Variants in HSPBAP1 observed in about 807,000 individuals in gnomAD.
HSPBAP1 encodes HSPB1-associated protein 1.
HSPBAP1 carries 27 observed loss-of-function variants against 45.2 expected under a neutral mutation model. The observed-to-expected ratio is 0.60, with a 90% CI of 0.44 to 0.82. The LOEUF is 0.82. HSPBAP1 is among the 40% of genes least tolerant of loss of function. HSPBAP1 has a pLI of 0.00. For synonymous variants in HSPBAP1, 204 were observed against 202.7 expected (o/e 1.01, Z -0.06); for missense variants, 510 against 590.9 (o/e 0.86, Z 1.42).
At chr3:122,780,464 G>C (rs1269857638) in intron 1 of HSPBAP1, among the ~76,000 whole-genome samples, 2 of 122,074 alleles carry the variant, frequency 1.6e-5, no homozygotes, top group African/African-American at 6.8e-5. Flanking sequence ...GCCGGGCAGA[G>C]GCGCCCCTCA....
At chr3:122,766,327 G>A (rs2107520791) in intron 3 of HSPBAP1, among the ~76,000 whole-genome samples, 1 of 152,292 alleles carries the variant, frequency 6.6e-6, no homozygotes, top group South Asian at 2.1e-4. Context: ...AAGACTTGGT[G>A]GCTGAATGAA....
chr3:122,741,416 GT>G (rs897818928), intron 6 of HSPBAP1: 332 of 276,404 alleles, frequency 1.2e-3, no homozygotes, highest in Middle Eastern at 3.7e-3. Flanking sequence ...CATGTTTAAA[GT>G]TTTTTTTTTA....
In HSPBAP1 at chr3:122,793,748, G is replaced by T. The variant is rs1410380379; in HGVS notation, c.-68C>A. 6 of 1,453,040 alleles carry T rather than the reference G, an allele frequency of 4.1e-6. No individual in the cohort carries two copies. Among genetic ancestry groups the T allele is most frequent in the Non-Finnish European group, 5.8e-6 (6 of 1,040,690 alleles). 90.0% of individuals were successfully genotyped at this position (1,453,040 alleles called of 1,614,324 possible). On this transcript the variant is annotated 5_prime_UTR_variant, in exon 1 of 8. Transcript: ENST00000306103. ...GAGCTGGGGTGGGGTCAGAGTAGGG[G>T]CCAAACTCCGAGACCCGAAGCTGCA...
Position 122,759,188 on chromosome 3 carries a change from C to CAT in HSPBAP1, c.569+35_569+36insAT, listed in dbSNP as rs772921657. 1.6e-5 allele frequency: 21 copies of CAT among 1,346,160 alleles called. No homozygotes were observed. In the African/African-American group the frequency reaches 3.9e-4, roughly 25 times the overall value. 83.4% of individuals were successfully genotyped at this position (1,346,160 alleles called of 1,614,324 possible). A position where few individuals can be genotyped will look rare whatever the true frequency, so the allele number is the denominator to read the frequency against. On this transcript the variant is annotated intron_variant, in intron 4 of 7. Coordinates refer to ENST00000306103, the MANE Select transcript of HSPBAP1 (RefSeq NM_024610.6). ...TGCATGCATGCACATGTGCGTTCCACACACACACACACACACACACACACA... is the reference window on the plus strand; with the variant it reads ...TGCATGCATGCACATGTGCGTTCCACATACACACACACACACACACACACACA...
In HSPBAP1 at chr3:122,753,987, G is replaced by A. The variant is rs139883303; in HGVS notation, c.741+1273C>T. 1,561 of 730,392 alleles carry A rather than the reference G, an allele frequency of 2.1e-3. 8 individuals carry two copies. The African/African-American group carries it at 0.022, about 10-fold the overall frequency. The allele number at this position is 730,392 out of a possible 1,614,324, so 45.2% of individuals were successfully genotyped here. Reference sequence around the variant, plus strand: ...ATAATGATAAAAAAGCAAAACAAGTGTTGGGAAAGATAAAAAGAAATTGGA... The same window carrying A: ...ATAATGATAAAAAAGCAAAACAAGTATTGGGAAAGATAAAAAGAAATTGGA... On this transcript the variant is annotated intron_variant, in intron 5 of 7. Coordinates refer to ENST00000306103, the MANE Select transcript of HSPBAP1 (RefSeq NM_024610.6).
intron 6 of HSPBAP1, among the ~76,000 whole-genome samples, chr3:122,747,298 C>T (rs1933912856): frequency 1.3e-5 from 2 of 152,088 alleles, no homozygotes; most frequent in South Asian, 2.1e-4. Context: ...AGCGCCTCTG[C>T]CCGGCCGCGA....
chr3:122,768,721 C>G lies in HSPBAP1; in HGVS notation c.412G>C (p.Asp138His), dbSNP rs777126649. The change falls in exon 3 of 8, where the codon GAC (aspartate) becomes CAC (histidine). Residue 138 changes from aspartate to histidine, a missense_variant. Coordinates refer to ENST00000306103, the MANE Select transcript of HSPBAP1 (RefSeq NM_024610.6). ...CTTACCTGGAAAAGATCTGTCTTGT[C>G]TTCAAATAGACTGACAAAATATTTA... ...DYKYFVSLFE[D>H]KTDLFQDVKW... 1.2e-6 allele frequency: 2 copies of G among 1,612,134 alleles called. No individual in the cohort carries two copies. Among genetic ancestry groups the G allele is most frequent in the East Asian group, 4.5e-5 (2 of 44,832 alleles).
At chr3:122,790,188 C>A (rs970819975) in intron 1 of HSPBAP1, among the ~76,000 whole-genome samples, 1 of 151,718 alleles carries the variant, frequency 6.6e-6, no homozygotes, top group African/African-American at 2.4e-5. Context: ...ATCTCCAGTA[C>A]CTTTCTCTAC....
At chr3:122,774,882 A>T (rs1308441779) in intron 2 of HSPBAP1, among the ~76,000 whole-genome samples, 2 of 152,236 alleles carry the variant, frequency 1.3e-5, no homozygotes, top group Non-Finnish European at 2.9e-5. Context: ...ACTGATGATA[A>T]TGCTCATATC....
intron 1 of HSPBAP1, among the ~76,000 whole-genome samples, chr3:122,778,215 G>GTT (rs1285690466): frequency 2.8e-4 from 12 of 42,674 alleles, no homozygotes; most frequent in African/African-American, 3.3e-4. Flanking sequence ...AGTTTTTTTT[G>GTT]TTGTTTTTTT....
intron 1 of HSPBAP1, 66 bp from the exon 2 acceptor site, chr3:122,777,972 A>G: frequency 3.0e-6 from 3 of 1,000,022 alleles, no homozygotes; most frequent in Middle Eastern, 4.4e-4. Flanking sequence ...AATATGGAGA[A>G]AAAATAGCTA....
rs575507050 is a variant in HSPBAP1, at chr3:122,782,406, C to T, written c.65-4500G>A. 2.0e-5 allele frequency among the ~76,000 whole-genome samples: 3 copies of T among 152,216 alleles called. No homozygotes were observed. The South Asian group carries it at 6.2e-4, about 32-fold the overall frequency. ...TAACTTACTATTTAAATAAATTTCACAGAATCATAAAATATTAACCTTGGA... is the reference window on the plus strand; with the variant it reads ...TAACTTACTATTTAAATAAATTTCATAGAATCATAAAATATTAACCTTGGA... On this transcript the variant is annotated intron_variant, in intron 1 of 7. Coordinates refer to ENST00000306103, the MANE Select transcript of HSPBAP1 (RefSeq NM_024610.6).
At chr3:122,750,179 T>C (rs1934078490) in intron 6 of HSPBAP1, among the ~76,000 whole-genome samples, 1 of 151,990 alleles carries the variant, frequency 6.6e-6, no homozygotes, top group African/African-American at 2.4e-5. Flanking sequence ...TTCACCATGT[T>C]GGCCAGGATG....
chr3:122,785,691 A>G (rs1444260907), intron 1 of HSPBAP1, among the ~76,000 whole-genome samples: 1 of 152,126 alleles, frequency 6.6e-6, no homozygotes, highest in Non-Finnish European at 1.5e-5. Flanking sequence ...CTTCCTTACC[A>G]TGCCTTAACA....
At chr3:122,749,629 A>C (rs1250843957) in intron 6 of HSPBAP1, among the ~76,000 whole-genome samples, 1 of 152,034 alleles carries the variant, frequency 6.6e-6, no homozygotes, top group African/African-American at 2.4e-5. Flanking sequence ...TCTTTTTTTG[A>C]GATGGAGTCT....
chr3:122,786,182 CT>C (rs1300147369), intron 1 of HSPBAP1, among the ~76,000 whole-genome samples: 1 of 152,004 alleles, frequency 6.6e-6, no homozygotes, highest in Non-Finnish European at 1.5e-5. Flanking sequence ...GGTATAACAC[CT>C]TGCTTTCTGA....
At chr3:122,747,657 G>A (rs1156502337) in intron 6 of HSPBAP1, among the ~76,000 whole-genome samples, 11 of 148,356 alleles carry the variant, frequency 7.4e-5, no homozygotes, top group African/African-American at 2.5e-4. Context: ...CGCCCGGCCA[G>A]CCGCCCCGTC....
At chr3:122,784,077 C>T (rs1235838264) in intron 1 of HSPBAP1, among the ~76,000 whole-genome samples, 1 of 152,156 alleles carries the variant, frequency 6.6e-6, no homozygotes, top group Non-Finnish European at 1.5e-5. Flanking sequence ...GATCCACCCA[C>T]CTTGGTCTCC....
At position 122,793,814 on chromosome 3, in the gene HSPBAP1, G is replaced by C. The variant is rs1486577584; in HGVS notation, c.-134C>G. ...CCGGCGACTCCCGCCCGGCTCCTAC[G>C]GAAACGCCGGCTCTCACGTGGAGGT... is the stretch of plus-strand genomic sequence containing the variant. On this transcript the variant is annotated 5_prime_UTR_variant, in exon 1 of 8. Transcript: ENST00000306103. The C allele has an allele frequency of 2.8e-6, 2 of 716,178 alleles. No homozygotes were observed. Among genetic ancestry groups the C allele is most frequent in the South Asian group, 1.7e-5 (1 of 57,914 alleles). The allele number at this position is 716,178 out of a possible 1,614,324, so 44.4% of individuals were successfully genotyped here.
Sources: gnomAD v4.1 joint callset for allele counts (sites outside exome capture counted in the v4.1 genomes callset) on GRCh38, gnomAD v4.1.1 for gene constraint, MANE v1.5 for transcripts, NCBI Gene and HGNC (gene_info 2026-07-23, HGNC 2026-07-21) for gene names.